BNC2: variants seen among roughly 807,000 people sequenced by gnomAD.
BNC2 encodes the protein zinc finger protein basonuclin-2.
In BNC2, 20 loss-of-function variants were observed where a neutral mutation model predicts 76.3. The ratio of observed to expected loss-of-function variants is 0.26; its 90% CI spans 0.18 to 0.38. The LOEUF (loss-of-function observed/expected upper bound fraction) is 0.38. BNC2 is among the 10% of genes least tolerant of loss of function. The pLI is 1.00. For missense variants in BNC2, 1,382 were observed against 1,399.8 expected (o/e 0.99, Z 0.20); for synonymous variants, 582 against 514.8 (o/e 1.13, Z -1.77).
chr9:16,500,832 T>G (rs1473174914), intron 5 of BNC2, among the ~76,000 whole-genome samples: 1 of 152,214 alleles, frequency 6.6e-6, no homozygotes, highest in South Asian at 2.1e-4. Context: ...CTAAATAAAG[T>G]CCTTTTGCAG....
chr9:16,638,472 T>A (rs1242438220), intron 3 of BNC2, among the ~76,000 whole-genome samples: 1 of 152,162 alleles, frequency 6.6e-6, no homozygotes, highest in African/African-American at 2.4e-5. Flanking sequence ...AGTTTAATAA[T>A]TAAGACATTT....
chr9:16,435,568 G>C lies in BNC2; in HGVS notation c.2626C>G (p.Arg876Gly). ...AGATTTACTGACCTGTCTCGGCTTCGGCGAGAGGGGAATGCAGCATTGCAA... is the reference window on the plus strand; with the variant it reads ...AGATTTACTGACCTGTCTCGGCTTCCGCGAGAGGGGAATGCAGCATTGCAA... ...AGCNAAFPSRRSRDRHSANIN... is the reference protein window; with the variant it reads ...AGCNAAFPSRGSRDRHSANIN... Residue 876 changes from arginine (R) to glycine (G), a missense_variant, in exon 6 of 7, where the codon CGA becomes GGA. This residue lies in a region of BNC2 where 798 missense variants were observed against 775.5 expected (regional missense o/e 1.03). Transcript: ENST00000380672. 2 of 1,613,916 alleles carry C rather than the reference G, an allele frequency of 1.2e-6. No homozygotes were observed. Among genetic ancestry groups the C allele is most frequent in the South Asian group, 1.1e-5 (1 of 91,062 alleles).
chr9:16,746,256 A>G (rs977292470), intron 1 of BNC2, among the ~76,000 whole-genome samples: 2 of 152,180 alleles, frequency 1.3e-5, no homozygotes, highest in African/African-American at 2.4e-5. Context: ...ATTTTTAGGA[A>G]ACTTACAAGC....
rs997315638 is a variant in BNC2 at position 16,741,857 on chromosome 9, C to A, written c.4-3372G>T. On this transcript the variant is annotated intron_variant, in intron 1 of 6. Coordinates refer to ENST00000380672, the MANE Select transcript of BNC2 (RefSeq NM_017637.6). ...CCTGTAGTTCCAGCTACTTGGGAGG[C>A]TGAGGCACGAGAATCGCTTGAACTC... Among the ~76,000 whole-genome samples, 67 of 145,560 alleles carry A rather than the reference C, an allele frequency of 4.6e-4. 1 individual carries two copies. The highest frequency in any genetic ancestry group is 1.5e-3 in the African/African-American group (61 of 39,526).
chr9:16,833,923 C>T (rs1193431289), intron 1 of BNC2, among the ~76,000 whole-genome samples: 1 of 152,198 alleles, frequency 6.6e-6, no homozygotes, highest in Non-Finnish European at 1.5e-5. Flanking sequence ...GGCCTGTCCA[C>T]ACCTCCAATG....
At chr9:16,602,898 T>C (rs1488950069) in intron 3 of BNC2, among the ~76,000 whole-genome samples, 2 of 152,218 alleles carry the variant, frequency 1.3e-5, no homozygotes, top group East Asian at 1.9e-4. Flanking sequence ...CTCTTTTCTA[T>C]AGTATTCCTT....
intron 5 of BNC2, among the ~76,000 whole-genome samples, chr9:16,519,357 A>G (rs1348244611): frequency 6.6e-6 from 1 of 152,240 alleles, no homozygotes; most frequent in African/African-American, 2.4e-5. Context: ...ATTCTAACGT[A>G]AAGTCCCAAA....
intron 3 of BNC2, among the ~76,000 whole-genome samples, chr9:16,686,796 T>A (rs958651306): frequency 6.6e-6 from 1 of 152,166 alleles, no homozygotes; most frequent in Non-Finnish European, 1.5e-5. Flanking sequence ...TGAATATCAC[T>A]GGAAAGAAAA....
chr9:16,602,744 G>A (rs1443420105), intron 3 of BNC2, among the ~76,000 whole-genome samples: 1 of 152,184 alleles, frequency 6.6e-6, no homozygotes, highest in South Asian at 2.1e-4. Flanking sequence ...AGGTGGAAAT[G>A]ACTTTTCAGC....
At chr9:16,593,437 G>A (rs1020876188) in intron 3 of BNC2, among the ~76,000 whole-genome samples, 10 of 151,856 alleles carry the variant, frequency 6.6e-5, no homozygotes, top group African/African-American at 2.4e-4. Flanking sequence ...TAATTTAGAA[G>A]TTCAGAGTAA....
intron 3 of BNC2, among the ~76,000 whole-genome samples, chr9:16,593,669 A>G (rs1033263286): frequency 1.1e-4 from 16 of 152,292 alleles, no homozygotes; most frequent in African/African-American, 3.8e-4. Flanking sequence ...CTTACCTAAC[A>G]TTTAACAATT....
chr9:16,617,544 A>G (rs74699636), intron 3 of BNC2, among the ~76,000 whole-genome samples: 1 of 99,666 alleles, frequency 1.0e-5, no homozygotes, highest in Non-Finnish European at 2.3e-5. Context: ...AAAAAAAAAA[A>G]CCACGATTAT....
At chr9:16,684,435 T>C (rs1822916415) in intron 3 of BNC2, among the ~76,000 whole-genome samples, 1 of 152,048 alleles carries the variant, frequency 6.6e-6, no homozygotes, top group African/African-American at 2.4e-5. Flanking sequence ...TCAGGTGGTC[T>C]TCCCTGGGCC....
At chr9:16,619,971 A>G (rs1820818992) in intron 3 of BNC2, among the ~76,000 whole-genome samples, 2 of 152,214 alleles carry the variant, frequency 1.3e-5, no homozygotes, top group African/African-American at 4.8e-5. Flanking sequence ...ACAGAAAAAT[A>G]AGTCCAGCAT....
chr9:16,458,147 GA>G (rs1821495722), intron 5 of BNC2, among the ~76,000 whole-genome samples: 1 of 152,120 alleles, frequency 6.6e-6, no homozygotes, highest in South Asian at 2.1e-4. Context: ...TCCTAAGGGG[GA>G]AAACCCCTAC....
chr9:16,555,518 TGGGCAAGG>T (rs1818802419), intron 4 of BNC2, among the ~76,000 whole-genome samples: 2 of 152,058 alleles, frequency 1.3e-5, no homozygotes, highest in African/African-American at 4.8e-5. Context: ...TGAATACAGC[TGGGCAAGG>T]TGGCTCACAC....
chr9:16,630,020 T>C (rs1315043149), intron 3 of BNC2, among the ~76,000 whole-genome samples: 1 of 152,228 alleles, frequency 6.6e-6, no homozygotes, highest in Non-Finnish European at 1.5e-5. Flanking sequence ...CTAGGACTTC[T>C]TTCAAAATTG....
Position 16,738,372 on chromosome 9 carries a change from T to G in BNC2, c.117A>C (p.Thr39=). The G allele has an allele frequency of 1.2e-6, 2 of 1,613,940 alleles. No individual in the cohort carries two copies. The highest frequency in any genetic ancestry group is 1.7e-6 in the Non-Finnish European group (2 of 1,179,930). Residue 39 remains threonine, a synonymous_variant, in exon 2 of 7, where the codon ACA becomes ACC. Transcript: ENST00000380672. The part of the protein sequence containing the change: ...YFKVPCCGVD[T]SQIESEEAEV... ...AAAACCAACATACCTCAATTTGAGA[T>G]GTATCAACCCCACAACATGGGACCT...
intron 3 of BNC2, among the ~76,000 whole-genome samples, chr9:16,690,413 T>A (rs141119321): frequency 1.4e-4 from 21 of 152,266 alleles, no homozygotes; most frequent in Middle Eastern, 3.4e-3. Flanking sequence ...GCCGTGAGTG[T>A]GCCACTGCAC....
Sources: allele counts gnomAD v4.1 joint callset (sites outside exome capture counted in the v4.1 genomes callset), GRCh38; gene constraint gnomAD v4.1.1; regional missense constraint gnomAD v4.1.1; transcripts MANE v1.5; gene names NCBI Gene and HGNC (gene_info 2026-07-23, HGNC 2026-07-21).